Variants in USP5 observed in about 807,000 individuals in gnomAD.
USP5 encodes ubiquitin carboxyl-terminal hydrolase 5.
In USP5, 24 loss-of-function variants were observed where a neutral mutation model predicts 102.5. The observed-to-expected ratio is 0.23, with a 90% CI of 0.17 to 0.33. The LOEUF is 0.33. USP5 is among the 10% of genes least tolerant of loss of function. USP5 has a pLI of 1.00. For missense variants in USP5, 753 were observed against 1,122.1 expected (o/e 0.67, Z 4.70); for synonymous variants, 460 against 434.8 (o/e 1.06, Z -0.72).
chr12:6,861,603 G>A lies in USP5; in HGVS notation c.1659G>A (p.Lys553=), dbSNP rs1212670206. Residue 553 remains lysine (K), a synonymous_variant, in exon 13 of 20, where the codon AAG becomes AAA. Coordinates refer to ENST00000229268, the MANE Select transcript of USP5 (RefSeq NM_001098536.2). This position sits in a 1 kb window ranked among gnomAD's most constrained non-coding sequence, Gnocchi z 4.9. ...DDFWSTALQA[K]SVAVKTTRFA... is the part of the protein sequence containing the mutation. ...TCTGGAGCACGGCCCTGCAGGCCAAGTCAGTAGCTGTCAAGTAAGTCCTCT... is the reference window on the plus strand; with the variant it reads ...TCTGGAGCACGGCCCTGCAGGCCAAATCAGTAGCTGTCAAGTAAGTCCTCT... 3 of 1,561,744 alleles carry A rather than the reference G, an allele frequency of 1.9e-6. No individual in the cohort carries two copies. Among genetic ancestry groups the A allele is most frequent in the African/African-American group, 1.4e-5 (1 of 73,464 alleles).
At chr12:6,857,815 A>G in intron 7 of USP5, 92 bp downstream of exon 7, 1 of 1,278,610 alleles carries the variant, frequency 7.8e-7, no homozygotes. Flanking sequence ...TTTTGGAGAA[A>G]TCTTCTAGTT....
At position 6,864,339 on chromosome 12, in the gene USP5, G is replaced by A; in HGVS notation, c.2244+144G>A. On this transcript the variant is annotated intron_variant, in intron 17 of 19. Transcript: ENST00000229268. This position sits in a 1 kb window ranked among gnomAD's most constrained non-coding sequence, Gnocchi z 4.8. ...CCACTCTTTTGTGGCTGCGATGAAG[G>A]AGCTGAAGCCTGCGTTCACTGCTGG... The A allele has an allele frequency of 8.0e-7, 1 of 1,251,140 alleles. No individual in the cohort carries two copies. The highest frequency in any genetic ancestry group is 1.6e-5 in the South Asian group (1 of 61,578). The allele number at this position is 1,251,140 out of a possible 1,614,324, so 77.5% of individuals were successfully genotyped here. A position where few individuals can be genotyped will look rare whatever the true frequency, so the allele number is the denominator to read the frequency against.
Position 6,864,066 on chromosome 12 carries a change from C to T in USP5, c.2115C>T (p.Leu705=). 1 of 1,610,446 alleles carries T rather than the reference C, an allele frequency of 6.2e-7. No individual in the cohort carries two copies. Among genetic ancestry groups the T allele is most frequent in the Non-Finnish European group, 8.5e-7 (1 of 1,177,900 alleles). Residue 705 remains leucine, a synonymous_variant, in exon 17 of 20, where the codon CTC becomes CTT. Transcript: ENST00000229268. The surrounding 1 kb of genome is among the most constrained non-coding windows in gnomAD (Gnocchi z 4.8). ...HMDDPDFANP[L]ILPGSSGPGS... is the part of the protein sequence containing the mutation. ...CATCCACAGATTTTGCAAACCCCCT[C>T]ATCCTGCCTGGCTCTAGTGGGCCGG...
At chr12:6,852,719 T>G (rs1392174939) in intron 1 of USP5, among the ~76,000 whole-genome samples, 2 of 151,322 alleles carry the variant, frequency 1.3e-5, no homozygotes, top group African/African-American at 4.9e-5. Context: ...GGGGTTGGAG[T>G]TGGGGGGTGG....
intron 13 of USP5, 48 bp from the exon 14 acceptor site, chr12:6,862,422 G>A: frequency 1.3e-6 from 2 of 1,567,626 alleles, no homozygotes; most frequent in Non-Finnish European, 1.8e-6. Flanking sequence ...TTCAGGAGAG[G>A]AAAACCCTGG....
rs370907380 is a variant in USP5 at position 6,860,608 on chromosome 12, G to C, written c.1344+117G>C. 2.0e-6 allele frequency: 3 copies of C among 1,523,810 alleles called. No homozygotes were observed. Among genetic ancestry groups the C allele is most frequent in the East Asian group, 2.3e-5 (1 of 44,182 alleles). 94.4% of individuals were successfully genotyped at this position (1,523,810 alleles called of 1,614,324 possible). A position where few individuals can be genotyped will look rare whatever the true frequency, so the allele number is the denominator to read the frequency against. ...TCCCATCCCTGAACCCCAACAGTCT[G>C]TGTCCCTGTGAACAGTGCTTGCACC... On this transcript the variant is annotated intron_variant, in intron 11 of 19. Coordinates refer to ENST00000229268, the MANE Select transcript of USP5 (RefSeq NM_001098536.2). This position sits in a 1 kb window ranked among gnomAD's most constrained non-coding sequence, Gnocchi z 5.5.
chr12:6,856,581 T>C lies in USP5; in HGVS notation c.585-126T>C. The C allele has an allele frequency of 1.9e-6, 3 of 1,538,850 alleles. No individual in the cohort carries two copies. In the East Asian group the frequency reaches 6.8e-5, roughly 35 times the overall value. On this transcript the variant is annotated intron_variant, in intron 5 of 19. Transcript: ENST00000229268. The surrounding 1 kb of genome is among the most constrained non-coding windows in gnomAD (Gnocchi z 5.6). Reference sequence around the variant, plus strand: ...GGGAAGCTTGGAAATGAACACGACATGGGGATGGCCAGAGGAGAAGAGAGA... The same window carrying C: ...GGGAAGCTTGGAAATGAACACGACACGGGGATGGCCAGAGGAGAAGAGAGA...
Position 6,863,929 on chromosome 12 carries a change from C to T in USP5, c.2054C>T (p.Ala685Val). 6.2e-7 allele frequency: 1 copy of T among 1,609,512 alleles called. No homozygotes were observed. Among genetic ancestry groups the T allele is most frequent in the Non-Finnish European group, 8.5e-7 (1 of 1,176,958 alleles). Residue 685 changes from alanine (A) to valine (V), a missense_variant, in exon 16 of 20, where the codon GCT becomes GTT. This residue lies in a region of USP5 where 193 missense variants were observed against 230.2 expected (regional missense o/e 0.84). Transcript: ENST00000229268. This position sits in a 1 kb window ranked among gnomAD's most constrained non-coding sequence, Gnocchi z 4.7. ...GTCTACTACACGGGCAACAGCGGGG[C>T]TGAGGCCGCCATGAACTGGGTCATG... ...KAVYYTGNSG[A>V]EAAMNWVMSH...
Position 6,863,387 on chromosome 12 carries a change from T to C in USP5, c.1954+10T>C. The stretch of plus-strand genomic sequence containing the variant: ...TTCTCCTCTCCGACATGTTAGTGAC[T>C]CTTCTTCCTGCCTGTCTCTCTCCCG... On this transcript the variant is annotated intron_variant, in intron 15 of 19. Coordinates refer to ENST00000229268, the MANE Select transcript of USP5 (RefSeq NM_001098536.2). The surrounding 1 kb of genome is among the most constrained non-coding windows in gnomAD (Gnocchi z 4.7). 2 of 1,611,242 alleles carry C rather than the reference T, an allele frequency of 1.2e-6. No homozygotes were observed. The highest frequency in any genetic ancestry group is 1.7e-6 in the Non-Finnish European group (2 of 1,178,064).
At position 6,863,753 on chromosome 12, in the gene USP5, G is replaced by A; in HGVS notation, c.1955-77G>A. ...GCATGGAATGGGTGATTGGAAGAGG[G>A]CTGGGTCCTGGGGGAGGGAGGAGGA... is the stretch of plus-strand genomic sequence containing the variant. On this transcript the variant is annotated intron_variant, in intron 15 of 19. Coordinates refer to ENST00000229268, the MANE Select transcript of USP5 (RefSeq NM_001098536.2). This position sits in a 1 kb window ranked among gnomAD's most constrained non-coding sequence, Gnocchi z 4.7. The A allele has an allele frequency of 6.7e-7, 1 of 1,497,762 alleles. No homozygotes were observed. The highest frequency in any genetic ancestry group is 8.9e-7 in the Non-Finnish European group (1 of 1,122,672). The allele number at this position is 1,497,762 out of a possible 1,614,324, so 92.8% of individuals were successfully genotyped here.
At position 6,858,247 on chromosome 12, in the gene USP5, A is replaced by T. The variant is rs782536534; in HGVS notation, c.865-177A>T. Among the ~76,000 whole-genome samples, 1 of 152,308 alleles carries T rather than the reference A, an allele frequency of 6.6e-6. No homozygotes were observed. Reference sequence around the variant, plus strand: ...TGACTAACGGGCCTCTGGGACAATTATGTGTGGCCTTCCAGAACTTGAACT... The same window carrying T: ...TGACTAACGGGCCTCTGGGACAATTTTGTGTGGCCTTCCAGAACTTGAACT... On this transcript the variant is annotated intron_variant, in intron 7 of 19. Coordinates refer to ENST00000229268, the MANE Select transcript of USP5 (RefSeq NM_001098536.2). This position sits in a 1 kb window ranked among gnomAD's most constrained non-coding sequence, Gnocchi z 4.2.
At position 6,864,537 on chromosome 12, in the gene USP5, A is replaced by G. The variant is rs1944373616; in HGVS notation, c.2245-185A>G. 1.3e-5 allele frequency among the ~76,000 whole-genome samples: 2 copies of G among 152,086 alleles called. No individual in the cohort carries two copies. Among genetic ancestry groups the G allele is most frequent in the Admixed American group, 1.3e-4 (2 of 15,264 alleles). On this transcript the variant is annotated intron_variant, in intron 17 of 19. Coordinates refer to ENST00000229268, the MANE Select transcript of USP5 (RefSeq NM_001098536.2). This position sits in a 1 kb window ranked among gnomAD's most constrained non-coding sequence, Gnocchi z 4.8. Reference sequence around the variant, plus strand: ...ACCCCGTCTCTACGAAAAATACAAAAAATTAACCAAGCGTGGTGGTGGGCG... The same window carrying G: ...ACCCCGTCTCTACGAAAAATACAAAGAATTAACCAAGCGTGGTGGTGGGCG...
intron 1 of USP5, 104 bp downstream of exon 1, chr12:6,852,394 C>T: frequency 1.7e-6 from 2 of 1,155,298 alleles, no homozygotes; most frequent in Non-Finnish European, 2.5e-6. Context: ...CTGCGATGCA[C>T]CATGGGACTT....
At position 6,856,752 on chromosome 12, in the gene USP5, C is replaced by T. The variant is rs781832956; in HGVS notation, c.630C>T (p.Leu210=). 3.7e-6 allele frequency: 6 copies of T among 1,613,994 alleles called. No individual in the cohort carries two copies. The highest frequency in any genetic ancestry group is 4.2e-6 in the Non-Finnish European group (5 of 1,180,038). ...SKCDMRENLW[L]NLTDGSILCG... is the part of the protein sequence containing the mutation. ...GTGACATGAGAGAGAACCTGTGGCT[C>T]AACCTGACTGATGGCTCCATCCTCT... Residue 210 remains leucine (L), a synonymous_variant, in exon 6 of 20, where the codon CTC becomes CTT. Coordinates refer to ENST00000229268, the MANE Select transcript of USP5 (RefSeq NM_001098536.2). The surrounding 1 kb of genome is among the most constrained non-coding windows in gnomAD (Gnocchi z 5.6).
Position 6,858,497 on chromosome 12 carries a change from C to T in USP5, c.938C>T (p.Ser313Leu). The stretch of plus-strand genomic sequence containing the variant: ...GGTGAATGGGAGCTGATCCAGGAGT[C>T]AGGTGTGCCACTCAAGCCCCTGTTT... Reference protein sequence around the residue: ...RIGEWELIQESGVPLKPLFGP... With the variant: ...RIGEWELIQELGVPLKPLFGP... The change falls in exon 8 of 20, where the codon TCA becomes TTA. Residue 313 changes from serine to leucine, a missense_variant. Ser to Leu is a moderately radical substitution (Grantham distance 145). This residue lies in a region of USP5 where 527 missense variants were observed against 816.5 expected (regional missense o/e 0.65). Coordinates refer to ENST00000229268, the MANE Select transcript of USP5 (RefSeq NM_001098536.2). This position sits in a 1 kb window ranked among gnomAD's most constrained non-coding sequence, Gnocchi z 4.2. 1 of 1,613,860 alleles carries T rather than the reference C, an allele frequency of 6.2e-7. No homozygotes were observed. The highest frequency in any genetic ancestry group is 1.3e-5 in the African/African-American group (1 of 75,052).
chr12:6,852,910 C>T (rs1289373557), intron 1 of USP5, among the ~76,000 whole-genome samples: 3 of 151,818 alleles, frequency 2.0e-5, no homozygotes, highest in African/African-American at 7.3e-5. Flanking sequence ...CAGCCCCCAC[C>T]CTTCCCCCCG....
intron 1 of USP5, among the ~76,000 whole-genome samples, chr12:6,853,198 A>C (rs1591602981): frequency 1.3e-5 from 2 of 148,416 alleles, no homozygotes; most frequent in African/African-American, 2.5e-5. Context: ...CCCCCTCACC[A>C]CCCCTCCCCT....
At chr12:6,857,285 C>G (rs1488883665) in intron 6 of USP5, 2 of 321,796 alleles carry the variant, frequency 6.2e-6, no homozygotes, top group South Asian at 8.8e-5. Context: ...TACAGAGACC[C>G]TGTCTCAAAA....
chr12:6,852,335 T>C (rs1281240975), intron 1 of USP5, 45 bp downstream of exon 1: 4 of 1,558,012 alleles, frequency 2.6e-6, no homozygotes, highest in Non-Finnish European at 3.5e-6. Context: ...CTTCCTTCCA[T>C]CGCCCTGGTC....
Sources: allele counts gnomAD v4.1 joint callset (sites outside exome capture counted in the v4.1 genomes callset), GRCh38; gene constraint gnomAD v4.1.1; regional missense constraint gnomAD v4.1.1; non-coding constraint Gnocchi (gnomAD v3.1); transcripts MANE v1.5; gene names NCBI Gene and HGNC (gene_info 2026-07-23, HGNC 2026-07-21).